Variants in MFHAS1 observed in about 807,000 individuals in gnomAD.
MFHAS1 encodes malignant fibrous histiocytoma-amplified sequence 1.
Under a neutral mutation model 70.4 loss-of-function variants are expected in MFHAS1, and 50 were observed. The observed-to-expected ratio is 0.71, with a 90% CI of 0.57 to 0.90. MFHAS1 has a LOEUF of 0.90. Ranked by LOEUF, MFHAS1 falls within the 40% of genes least tolerant of loss-of-function variation. The pLI, the probability that MFHAS1 is intolerant of heterozygous loss-of-function variation, is 0.00. For synonymous variants in MFHAS1, 952 were observed against 620.0 expected (o/e 1.54, Z -7.96); for missense variants, 1,795 against 1,347.6 (o/e 1.33, Z -5.20).
intron 1 of MFHAS1, among the ~76,000 whole-genome samples, chr8:8,822,641 G>C (rs1194436657): frequency 8.0e-5 from 12 of 149,236 alleles, no homozygotes; most frequent in African/African-American, 3.0e-4. Context: ...GACTGAGATG[G>C]AGACAGGGAC....
intron 2 of MFHAS1, among the ~76,000 whole-genome samples, chr8:8,796,928 G>A (rs1043158127): frequency 7.3e-5 from 11 of 151,598 alleles, no homozygotes; most frequent in South Asian, 6.2e-4. Context: ...CCCGGGAGGC[G>A]GAGCTTGCAG....
In MFHAS1 at chr8:8,819,928, G is replaced by C. The variant is rs367840489; in HGVS notation, c.2999-22437C>G. 5.3e-5 allele frequency among the ~76,000 whole-genome samples: 8 copies of C among 152,240 alleles called. No individual in the cohort carries two copies. In the South Asian group the frequency reaches 1.2e-3, roughly 24 times the overall value. On this transcript the variant is annotated intron_variant, in intron 1 of 2. Transcript: ENST00000276282. ...ACCCAGGCTGGTCTCAAACTCCTGA[G>C]TTCAAACTATCCTCCCGCCTCGGCC...
chr8:8,885,715 GA>G (rs1809726370), intron 1 of MFHAS1, among the ~76,000 whole-genome samples: 1 of 152,186 alleles, frequency 6.6e-6, no homozygotes, highest in Non-Finnish European at 1.5e-5. Flanking sequence ...AGCAGGTAAA[GA>G]CTTTCTTTTC....
intron 2 of MFHAS1, 47 bp from the exon 3 acceptor site, chr8:8,786,102 TG>T (rs747110308): frequency 6.7e-7 from 1 of 1,503,638 alleles, no homozygotes; most frequent in Non-Finnish European, 9.3e-7. Flanking sequence ...AAAAACGTAC[TG>T]GACAATGCTA....
intron 1 of MFHAS1, among the ~76,000 whole-genome samples, chr8:8,829,148 ACGT>A (rs1347512349): frequency 6.6e-6 from 1 of 151,996 alleles, no homozygotes; most frequent in Non-Finnish European, 1.5e-5. Flanking sequence ...GGACCCCAAT[ACGT>A]CACCTCTCAT....
At chr8:8,885,795 C>T (rs193218306) in intron 1 of MFHAS1, among the ~76,000 whole-genome samples, 129 of 152,328 alleles carry the variant, frequency 8.5e-4, no homozygotes, top group South Asian at 3.9e-3. Flanking sequence ...CTGCAACCTC[C>T]GCCTCCCAAG....
chr8:8,852,031 G>A (rs1008842677), intron 1 of MFHAS1, among the ~76,000 whole-genome samples: 6 of 152,290 alleles, frequency 3.9e-5, no homozygotes, highest in South Asian at 2.1e-4. Flanking sequence ...TGGATACATA[G>A]GGAGTGGGTG....
chr8:8,825,890 T>G lies in MFHAS1; in HGVS notation c.2999-28399A>C, dbSNP rs1108952. Reference sequence around the variant, plus strand: ...TCTCTCCTTCAGCTCCTGGAGATTGTGTAATTAACTGGAGGAGGCTCAGAG... The same window carrying G: ...TCTCTCCTTCAGCTCCTGGAGATTGGGTAATTAACTGGAGGAGGCTCAGAG... On this transcript the variant is annotated intron_variant, in intron 1 of 2. Coordinates refer to ENST00000276282, the MANE Select transcript of MFHAS1 (RefSeq NM_004225.3). 2.9e-3 allele frequency among the ~76,000 whole-genome samples: 441 copies of G among 152,262 alleles called. 1 individual carries two copies. The highest frequency in any genetic ancestry group is 0.01 in the African/African-American group (421 of 41,556).
At chr8:8,826,997 T>C (rs1807189380) in intron 1 of MFHAS1, among the ~76,000 whole-genome samples, 2 of 152,214 alleles carry the variant, frequency 1.3e-5, no homozygotes, top group East Asian at 3.9e-4. Context: ...ACAAGGTAAA[T>C]ACATTCCCTT....
Position 8,891,300 on chromosome 8 carries a change from G to A in MFHAS1, c.1759C>T (p.Arg587Cys), listed in dbSNP as rs1458497801. The change falls in exon 1 of 3, where the codon CGC becomes TGC. Residue 587 changes from arginine (R) to cysteine (C), a missense_variant. By Grantham distance (180) the Arg-to-Cys change is radical (BLOSUM62 -3). Transcript: ENST00000276282. The surrounding 1 kb of genome is among the most constrained non-coding windows in gnomAD (Gnocchi z 5.4). ...DEALARDFEL[R>C]SASPHAAYYG... ...TAGGCTGCGTGGGGGCTGGCAGAGC[G>A]CAGCTCGAAGTCCCGGGCCAGTGCC... The A allele has an allele frequency of 3.7e-6, 6 of 1,611,266 alleles. No individual in the cohort carries two copies. The highest frequency in any genetic ancestry group is 2.7e-5 in the African/African-American group (2 of 74,950).
chr8:8,866,134 A>G (rs866488002), intron 1 of MFHAS1, among the ~76,000 whole-genome samples: 8 of 152,310 alleles, frequency 5.3e-5, no homozygotes, highest in Middle Eastern at 3.4e-3. Context: ...GGAAGAATAC[A>G]GAAGAACAGG....
intron 1 of MFHAS1, among the ~76,000 whole-genome samples, chr8:8,870,290 CAAAAAAAAAA>C (rs61229252): frequency 2.7e-5 from 3 of 113,118 alleles, no homozygotes; most frequent in African/African-American, 7.3e-5. Context: ...CCTGTCTCTA[CAAAAAAAAAA>C]AAAAAAAAAA....
At chr8:8,850,707 C>T (rs1228930492) in intron 1 of MFHAS1, among the ~76,000 whole-genome samples, 9 of 150,812 alleles carry the variant, frequency 6.0e-5, no homozygotes, top group African/African-American at 2.2e-4. Flanking sequence ...TGGTGGCGCA[C>T]ACCTATAATC....
chr8:8,870,702 G>A (rs1585063292), intron 1 of MFHAS1, among the ~76,000 whole-genome samples: 1 of 152,046 alleles, frequency 6.6e-6, no homozygotes, highest in South Asian at 2.1e-4. Flanking sequence ...AGCCCCTGGA[G>A]ATCTTTTTCT....
chr8:8,824,076 C>T (rs887650906), intron 1 of MFHAS1, among the ~76,000 whole-genome samples: 3 of 151,130 alleles, frequency 2.0e-5, no homozygotes, highest in Non-Finnish European at 4.4e-5. Context: ...AGGCTACCTG[C>T]CTGTGAGGCA....
rs367663776 is a variant in MFHAS1, at chr8:8,891,152, C to G, written c.1907G>C (p.Arg636Pro). The G allele has an allele frequency of 1.9e-6, 3 of 1,613,442 alleles. No individual in the cohort carries two copies. Among genetic ancestry groups the G allele is most frequent in the Non-Finnish European group, 2.5e-6 (3 of 1,180,018 alleles). ...PVSCRDPRHL[R>P]RLRDKLLSVA... ...TGACAGCAACTTGTCCCGAAGGCGT[C>G]GTAAGTGGCGCGGGTCCCTGCAGCT... Residue 636 changes from arginine (R) to proline (P), a missense_variant, in exon 1 of 3, where the codon CGA becomes CCA. Arg to Pro is a moderately radical substitution (Grantham distance 103). Transcript: ENST00000276282. The surrounding 1 kb of genome is among the most constrained non-coding windows in gnomAD (Gnocchi z 5.4).
At chr8:8,861,764 C>G (rs1369280285) in intron 1 of MFHAS1, among the ~76,000 whole-genome samples, 1 of 152,174 alleles carries the variant, frequency 6.6e-6, no homozygotes, top group Non-Finnish European at 1.5e-5. Context: ...CCCAGACCTG[C>G]TTTCTGACAG....
chr8:8,833,731 C>T (rs575728509), intron 1 of MFHAS1, among the ~76,000 whole-genome samples: 4 of 152,272 alleles, frequency 2.6e-5, no homozygotes, highest in East Asian at 1.9e-4. Flanking sequence ...TATATGCTTA[C>T]ACAAAGCCTT....
At position 8,785,553 on chromosome 8, in the gene MFHAS1, A is replaced by G. The variant is rs184998791; in HGVS notation, c.*469T>C. 656 of 156,428 alleles carry G rather than the reference A, an allele frequency of 4.2e-3. 2 individuals carry two copies. The highest frequency in any genetic ancestry group is 6.5e-3 in the Non-Finnish European group (455 of 70,220). The allele number at this position is 156,428 out of a possible 1,614,324, so 9.7% of individuals were successfully genotyped here. A position where few individuals can be genotyped will look rare whatever the true frequency, so the allele number is the denominator to read the frequency against. On this transcript the variant is annotated 3_prime_UTR_variant, in exon 3 of 3. Coordinates refer to ENST00000276282, the MANE Select transcript of MFHAS1 (RefSeq NM_004225.3). ...ACTGTATAAATTTAAATGTATTTGCATATTATAAAAATAAAGATAAACATA... is the reference window on the plus strand; with the variant it reads ...ACTGTATAAATTTAAATGTATTTGCGTATTATAAAAATAAAGATAAACATA...
Sources: gnomAD v4.1 joint callset for allele counts (sites outside exome capture counted in the v4.1 genomes callset) on GRCh38, gnomAD v4.1.1 for gene constraint, Gnocchi (gnomAD v3.1) non-coding constraint, MANE v1.5 for transcripts, NCBI Gene and HGNC (gene_info 2026-07-23, HGNC 2026-07-21) for gene names.